Variants in HPD observed in about 807,000 individuals in gnomAD.
HPD encodes the protein 4-hydroxyphenylpyruvate dioxygenase, also known as 4-hydroxyphenylpyruvic acid oxidase.
HPD carries 35 observed loss-of-function variants against 56.9 expected under a neutral mutation model. The ratio of observed to expected loss-of-function variants is 0.62; its 90% confidence interval spans 0.47 to 0.82. HPD has a LOEUF of 0.82. Ranked by LOEUF, HPD falls within the 40% of genes least tolerant of loss-of-function variation. HPD has a pLI of 0.00. For synonymous variants in HPD, 186 were observed against 200.2 expected (o/e 0.93, Z 0.60); for missense variants, 442 against 506.8 (o/e 0.87, Z 1.23).
upstream of HPD, among the ~76,000 whole-genome samples, chr12:121,868,568 G>A (rs545410801): frequency 6.8e-6 from 1 of 147,870 alleles, no homozygotes; most frequent in Admixed American, 6.9e-5. Flanking sequence ...CCCCCAAGCT[G>A]GAGTGCAGTG....
upstream of HPD, among the ~76,000 whole-genome samples, chr12:121,862,787 T>C (rs1319775352): frequency 6.8e-6 from 1 of 146,702 alleles, no homozygotes; most frequent in African/African-American, 2.5e-5. Flanking sequence ...TTCACGCCAT[T>C]CTCCTGCCTC....
At chr12:121,880,406 C>T in the HPD span, among the ~76,000 whole-genome samples, 13 of 151,978 alleles carry the variant, frequency 8.6e-5, no homozygotes, top group African/African-American at 2.9e-4. Context: ...ATCTTGGCCA[C>T]GCTGGTCTTG....
chr12:121,884,873 CTT>C, the HPD span, among the ~76,000 whole-genome samples: 5 of 152,106 alleles, frequency 3.3e-5, no homozygotes, highest in Admixed American at 1.3e-4. Context: ...TTATCTCTCT[CTT>C]GTCTACAAAT....
At chr12:121,852,708 C>CACTG in intron 7 of HPD, among the ~76,000 whole-genome samples, 1 of 139,726 alleles carries the variant, frequency 7.2e-6, no homozygotes, top group Non-Finnish European at 1.5e-5. Flanking sequence ...AATCTTGGCT[C>CACTG]ACTGCAACCT....
At chr12:121,864,253 G>T (rs1878262557), upstream of HPD, among the ~76,000 whole-genome samples, 1 of 149,332 alleles carries the variant, frequency 6.7e-6, no homozygotes. Context: ...ACAAAAAAAA[G>T]AAAAAATATC....
chr12:121,857,272 G>T (rs1566574467), intron 4 of HPD, 56 bp downstream of exon 4: 2 of 1,119,394 alleles, frequency 1.8e-6, no homozygotes, highest in South Asian at 2.5e-5. Flanking sequence ...TAGAGATGGG[G>T]TTTCACCATG....
chr12:121,873,773 T>G, the HPD span, among the ~76,000 whole-genome samples: 4 of 149,330 alleles, frequency 2.7e-5, no homozygotes, highest in Non-Finnish European at 4.4e-5. Flanking sequence ...TGAGCCGAGA[T>G]CGCGCCACTG....
the HPD span, among the ~76,000 whole-genome samples, chr12:121,877,988 C>T: frequency 3.9e-5 from 6 of 152,132 alleles, no homozygotes; most frequent in East Asian, 5.8e-4. Context: ...TCCACAGACC[C>T]ACAGTGCAGA....
At chr12:121,884,231 C>T in the HPD span, among the ~76,000 whole-genome samples, 1 of 147,646 alleles carries the variant, frequency 6.8e-6, no homozygotes, top group Non-Finnish European at 1.5e-5. Context: ...AGTGCAGTGG[C>T]ATGATCGCCG....
chr12:121,877,887 G>A, the HPD span, among the ~76,000 whole-genome samples: 7 of 152,284 alleles, frequency 4.6e-5, no homozygotes, highest in Non-Finnish European at 8.8e-5. Flanking sequence ...TTCAAAAGAA[G>A]TTAGCAATGT....
chr12:121,875,424 TTTC>T, the HPD span, among the ~76,000 whole-genome samples: 2 of 147,024 alleles, frequency 1.4e-5, no homozygotes. Context: ...TTTTTCTTTC[TTTC>T]TTTTTTTTTT....
chr12:121,846,219 C>T (rs1256192422), intron 11 of HPD, among the ~76,000 whole-genome samples: 1 of 151,750 alleles, frequency 6.6e-6, no homozygotes, highest in Non-Finnish European at 1.5e-5. Context: ...TTATTAATTA[C>T]TATTATTTTT....
upstream of HPD, among the ~76,000 whole-genome samples, chr12:121,862,517 G>A (rs181445406): frequency 3.9e-4 from 58 of 149,424 alleles, no homozygotes; most frequent in African/African-American, 1.3e-3. Context: ...GGCATGTCTC[G>A]AACTCCTGAC....
chr12:121,839,911 C>A, intron 13 of HPD, 21 bp downstream of exon 13: 1 of 1,604,226 alleles, frequency 6.2e-7, no homozygotes, highest in Non-Finnish European at 8.5e-7. Context: ...TCCCCTCGGG[C>A]CTGCCGGGGA....
chr12:121,854,857 C>A, intron 6 of HPD, 65 bp from the exon 7 acceptor site: 1 of 1,287,704 alleles, frequency 7.8e-7, no homozygotes, highest in Non-Finnish European at 1.1e-6. Context: ...TTGCCTGCTG[C>A]TCCTGCCTGG....
chr12:121,869,510 T>A, the HPD span, among the ~76,000 whole-genome samples: 6 of 151,984 alleles, frequency 3.9e-5, no homozygotes, highest in Admixed American at 2.6e-4. Context: ...ATTCTAGATA[T>A]AAATCCCTTA....
At chr12:121,873,705 A>T in the HPD span, among the ~76,000 whole-genome samples, 1 of 152,148 alleles carries the variant, frequency 6.6e-6, no homozygotes, top group African/African-American at 2.4e-5. Flanking sequence ...CTGTGGTCCC[A>T]GCTACGCGGG....
intron 8 of HPD, 138 bp downstream of exon 8, chr12:121,849,549 C>T (rs888573677): frequency 1.5e-6 from 1 of 679,704 alleles, no homozygotes; most frequent in Admixed American, 2.1e-5. Flanking sequence ...TCTTCAAGCA[C>T]CCCTGAGGAC....
chr12:121,845,912 C>T (rs953046490), intron 11 of HPD, among the ~76,000 whole-genome samples: 5 of 152,032 alleles, frequency 3.3e-5, no homozygotes, highest in Non-Finnish European at 5.9e-5. Context: ...TTTGAGGTTG[C>T]GGGGAGATAG....
Sources: allele counts gnomAD v4.1 joint callset (sites outside exome capture counted in the v4.1 genomes callset), GRCh38; gene constraint gnomAD v4.1.1; transcripts MANE v1.5; gene names NCBI Gene and HGNC (gene_info 2026-07-23, HGNC 2026-07-21).